The following PSG8 variants were observed in gnomAD, a reference collection of about 807,000 sequenced individuals.
PSG8 encodes the protein pregnancy specific beta-1-glycoprotein 8.
Under a neutral mutation model 42.5 loss-of-function variants are expected in PSG8, and 57 were observed. The ratio of observed to expected loss-of-function variants is 1.34; its 90% CI spans 1.08 to 1.67. The LOEUF (loss-of-function observed/expected upper bound fraction) is 1.67, where lower values mean the gene tolerates loss of function less well. Among genes scored for constraint, PSG8 ranks in the 40% most tolerant of loss-of-function variants. The pLI is 0.00. For synonymous variants in PSG8, 280 were observed against 196.8 expected (o/e 1.42, Z -3.54); for missense variants, 783 against 518.6 (o/e 1.51, Z -4.95).
In PSG8 at chr19:42,765,576, C is replaced by T. The variant is rs1249770616; in HGVS notation, c.6G>A (p.Gly2=). The change falls in exon 1 of 5, where the codon GGG becomes GGA. Residue 2 remains glycine, a synonymous_variant. Transcript: ENST00000306511. ...GTGTGCAGGGAGGGGCTGAGAGGAGCCCCATGGTCTCTGCTGTCTGTGTGT... is the reference window on the plus strand; with the variant it reads ...GTGTGCAGGGAGGGGCTGAGAGGAGTCCCATGGTCTCTGCTGTCTGTGTGT... The part of the protein sequence containing the change: M[G]LLSAPPCTQR... 1.2e-6 allele frequency: 2 copies of T among 1,610,914 alleles called. No homozygotes were observed. Among genetic ancestry groups the T allele is most frequent in the Non-Finnish European group, 1.7e-6 (2 of 1,177,932 alleles).
chr19:42,765,610 G>C lies in PSG8; in HGVS notation c.-29C>G, dbSNP rs771114706. 6 of 1,606,924 alleles carry C rather than the reference G, an allele frequency of 3.7e-6. No homozygotes were observed. The highest frequency in any genetic ancestry group is 5.1e-6 in the Non-Finnish European group (6 of 1,175,364). Reference sequence around the variant, plus strand: ...CTCTGCTGTCTGTGTGTTCTCCTCTGTGGAGATGAGCCTAGGATCCAGAAG... The same window carrying C: ...CTCTGCTGTCTGTGTGTTCTCCTCTCTGGAGATGAGCCTAGGATCCAGAAG... On this transcript the variant is annotated 5_prime_UTR_variant, in exon 1 of 5. Coordinates refer to ENST00000306511, the MANE Select transcript of PSG8 (RefSeq NM_182707.3).
chr19:42,765,438 G>A (rs1226668103), intron 1 of PSG8, 80 bp downstream of exon 1: 1 of 1,583,356 alleles, frequency 6.3e-7, no homozygotes, highest in East Asian at 2.2e-5. Flanking sequence ...TCATTTTTTA[G>A]TACCCCATAC....
At chr19:42,761,351 A>T (rs563378356) in intron 2 of PSG8, among the ~76,000 whole-genome samples, 1 of 152,222 alleles carries the variant, frequency 6.6e-6, no homozygotes, top group Non-Finnish European at 1.5e-5. Flanking sequence ...GATTAAGGTT[A>T]TAGGAGGGAA....
rs747823988 is a variant in PSG8 at position 42,764,257 on chromosome 19, G to A, written c.89C>T (p.Pro30Leu). The change falls in exon 2 of 5, where the codon CCA (proline) becomes CTA (leucine). Residue 30 changes from proline (P) to leucine (L), a missense_variant. By Grantham distance (98) the Pro-to-Leu change is moderately conservative. Transcript: ENST00000306511. Reference protein sequence around the residue: ...LTASLLNFWNPPTTAQVTIEA... With the variant: ...LTASLLNFWNLPTTAQVTIEA... ...AATCGTGACTTGGGCAGTCGTGGGT[G>A]GGTTCCAGAAGTTTAAAAGTGATGC... is the stretch of plus-strand genomic sequence containing the variant. 4.3e-6 allele frequency: 7 copies of A among 1,613,586 alleles called. No individual in the cohort carries two copies. The East Asian group carries it at 8.9e-5, about 21-fold the overall frequency.
intron 3 of PSG8, 111 bp downstream of exon 3, chr19:42,757,891 C>A (rs1296394541): frequency 1.4e-5 from 22 of 1,610,574 alleles, no homozygotes; most frequent in Admixed American, 1.7e-5. Context: ...GGTTTGATGT[C>A]CAGGGGTAAA....
downstream of PSG8, among the ~76,000 whole-genome samples, chr19:42,753,725 C>T (rs571586383): frequency 1.5e-4 from 23 of 152,316 alleles, no homozygotes; most frequent in African/African-American, 3.6e-4. Context: ...GCAGTTCATA[C>T]TGGTTCATTC....
At chr19:42,759,391 T>C (rs1331698025) in intron 2 of PSG8, among the ~76,000 whole-genome samples, 1 of 152,102 alleles carries the variant, frequency 6.6e-6, no homozygotes, top group African/African-American at 2.4e-5. Context: ...GTTCTAGAGA[T>C]CTCCTGTACA....
At position 42,755,022 on chromosome 19, in the gene PSG8, G is replaced by A. The variant is rs753413480; in HGVS notation, c.954C>T (p.Gly318=). 3.8e-5 allele frequency: 61 copies of A among 1,613,210 alleles called. 1 individual carries two copies. The highest frequency in any genetic ancestry group is 5.0e-5 in the Non-Finnish European group (59 of 1,179,770). Residue 318 remains glycine (G), a synonymous_variant, in exon 4 of 5, where the codon GGC becomes GGT. Coordinates refer to ENST00000306511, the MANE Select transcript of PSG8 (RefSeq NM_182707.3). ...TCAGGGTGACTGGGTAACTGCGGAT[G>A]CCACCATATTGGTCCCTTATTTCAC... is the stretch of plus-strand genomic sequence containing the variant. ...YQCEIRDQYG[G]IRSYPVTLNV... is the part of the protein sequence containing the mutation.
At chr19:42,754,010 A>G (rs1224965694), downstream of PSG8, 1 of 798,254 alleles carries the variant, frequency 1.3e-6, no homozygotes, top group East Asian at 3.4e-5. Flanking sequence ...AAATTCCGTC[A>G]ATGTAGAAAA....
intron 2 of PSG8, among the ~76,000 whole-genome samples, chr19:42,762,496 A>T (rs1038405257): frequency 2.0e-5 from 3 of 152,052 alleles, no homozygotes; most frequent in Admixed American, 1.3e-4. Context: ...ATGCAAATTC[A>T]GTCTCTAAAG....
intron 3 of PSG8, chr19:42,755,644 C>G (rs1410838539): frequency 3.1e-6 from 1 of 325,842 alleles, no homozygotes; most frequent in Non-Finnish European, 5.6e-6. Flanking sequence ...AAATTCCATC[C>G]TACATTGTCC....
intron 1 of PSG8, 147 bp from the exon 2 acceptor site, chr19:42,764,428 A>ACAC: frequency 1.4e-6 from 2 of 1,387,132 alleles, no homozygotes; most frequent in Non-Finnish European, 2.0e-6. Flanking sequence ...ACACACACAC[A>ACAC]AAAGCGGCAT....
intron 2 of PSG8, chr19:42,758,805 G>T (rs1969999606): frequency 6.0e-6 from 1 of 165,586 alleles, no homozygotes; most frequent in Non-Finnish European, 1.3e-5. Context: ...TAACACAGGG[G>T]AGAACAGAGT....
downstream of PSG8, chr19:42,753,412 C>T (rs1375340543): frequency 3.9e-6 from 3 of 778,416 alleles, no homozygotes; most frequent in Non-Finnish European, 7.2e-6. Flanking sequence ...AAACAATGAA[C>T]AGAGATGCAA....
intron 3 of PSG8, among the ~76,000 whole-genome samples, chr19:42,757,649 T>TC (rs1275755822): frequency 2.0e-5 from 3 of 151,978 alleles, no homozygotes; most frequent in East Asian, 1.9e-4. Context: ...GAAGGGAAAA[T>TC]CTCGTCTGTG....
At chr19:42,764,587 C>A (rs1186447705) in intron 1 of PSG8, among the ~76,000 whole-genome samples, 2 of 152,050 alleles carry the variant, frequency 1.3e-5, no homozygotes, top group Non-Finnish European at 2.9e-5. Context: ...CCCCTCCACA[C>A]TGCCCTCAGG....
downstream of PSG8, chr19:42,753,354 T>C: frequency 1.3e-6 from 1 of 780,496 alleles, no homozygotes; most frequent in Non-Finnish European, 2.4e-6. Context: ...GAGGAACTAG[T>C]AGAATTCAGG....
chr19:42,765,656 G>A lies in PSG8; in HGVS notation c.-75C>T. ...AGAAGCTTCCTGAGCACAGCTCTCA[G>A]CAGTGCTGTCCTGCCTCCTTCTGCG... is the stretch of plus-strand genomic sequence containing the variant. On this transcript the variant is annotated 5_prime_UTR_variant, in exon 1 of 5. Transcript: ENST00000306511. The A allele has an allele frequency of 6.3e-7, 1 of 1,575,074 alleles. No homozygotes were observed. Among genetic ancestry groups the A allele is most frequent in the Non-Finnish European group, 8.7e-7 (1 of 1,153,398 alleles).
chr19:42,752,706 T>A (rs7246644), downstream of PSG8: 1,676 of 160,458 alleles, frequency 0.01, 36 homozygotes, highest in African/African-American at 0.039. Flanking sequence ...ATGTGGTACA[T>A]GTTTTATTCT....
Sources: allele counts gnomAD v4.1 joint callset (sites outside exome capture counted in the v4.1 genomes callset), GRCh38; gene constraint gnomAD v4.1.1; transcripts MANE v1.5; gene names NCBI Gene and HGNC (gene_info 2026-07-23, HGNC 2026-07-21).